The following TMPRSS15 variants were observed in gnomAD, a reference collection of about 807,000 sequenced individuals.
TMPRSS15 encodes enteropeptidase.
Under a neutral mutation model 125.3 loss-of-function variants are expected in TMPRSS15, and 128 were observed. The ratio of observed to expected loss-of-function variants is 1.02; its 90% CI spans 0.89 to 1.18. TMPRSS15 has a LOEUF of 1.18. Ranked by LOEUF, TMPRSS15 falls within the 50% of genes most tolerant of loss-of-function variation. The pLI, the probability that TMPRSS15 is intolerant of heterozygous loss-of-function variation, is 0.00. For synonymous variants in TMPRSS15, 446 were observed against 423.2 expected, an observed-to-expected ratio of 1.05 and a Z score of -0.66; for missense variants, 1,283 against 1,212.7, an observed-to-expected ratio of 1.06 and a Z score of -0.86.
chr21:18,291,825 T>A (rs1360860639), intron 21 of TMPRSS15, among the ~76,000 whole-genome samples: 1 of 152,160 alleles, frequency 6.6e-6, no homozygotes, highest in African/African-American at 2.4e-5. Context: ...TTTGAATTTA[T>A]CAGAATTCTA....
chr21:18,353,179 T>A (rs569956408), intron 9 of TMPRSS15, 127 bp from the exon 10 acceptor site: 1 of 852,538 alleles, frequency 1.2e-6, no homozygotes, highest in African/African-American at 1.7e-5. Flanking sequence ...AAAATCATTA[T>A]TTTTTATTGA....
intron 12 of TMPRSS15, among the ~76,000 whole-genome samples, chr21:18,342,511 T>C (rs546792224): frequency 3.5e-4 from 54 of 152,334 alleles, no homozygotes; most frequent in African/African-American, 1.2e-3. Context: ...CACCACCTCA[T>C]GAGCTGTGAG....
At chr21:18,412,879 A>G (rs2076169555) in intron 1 of TMPRSS15, among the ~76,000 whole-genome samples, 1 of 152,212 alleles carries the variant, frequency 6.6e-6, no homozygotes, top group African/African-American at 2.4e-5. Context: ...AGGTGTAGGG[A>G]ATTAAACGGC....
chr21:18,391,264 A>G (rs1743845148), intron 3 of TMPRSS15, among the ~76,000 whole-genome samples: 1 of 152,254 alleles, frequency 6.6e-6, no homozygotes, highest in African/African-American at 2.4e-5. Context: ...TCCAAAGTCC[A>G]AAGTCTCATC....
At position 18,341,431 on chromosome 21, in the gene TMPRSS15, G is replaced by T; in HGVS notation, c.1546C>A (p.Pro516Thr). ...LYPEPTLVPTPPPELPTDCGG... is the reference protein window; with the variant it reads ...LYPEPTLVPTTPPELPTDCGG... ...TACTTACTAGGAAGTTCTGGTGGAGGAGTTGGCACCAAAGTTGGTTCTGGA... is the reference window on the plus strand; with the variant it reads ...TACTTACTAGGAAGTTCTGGTGGAGTAGTTGGCACCAAAGTTGGTTCTGGA... Residue 516 changes from proline to threonine, a missense_variant, in exon 13 of 25, where the codon CCT becomes ACT. Pro to Thr is a conservative substitution (Grantham distance 38). Coordinates refer to ENST00000284885, the MANE Select transcript of TMPRSS15 (RefSeq NM_002772.3). 1.2e-6 allele frequency: 2 copies of T among 1,614,130 alleles called. No individual in the cohort carries two copies. The highest frequency in any genetic ancestry group is 2.2e-5 in the South Asian group (2 of 91,080).
At chr21:18,375,782 T>A (rs1601409971) in intron 5 of TMPRSS15, among the ~76,000 whole-genome samples, 1 of 152,210 alleles carries the variant, frequency 6.6e-6, no homozygotes, top group African/African-American at 2.4e-5. Flanking sequence ...AGATGATTAT[T>A]TCAGAGTGAT....
chr21:18,314,956 G>GC (rs1420536614), intron 17 of TMPRSS15, among the ~76,000 whole-genome samples, 190 bp downstream of exon 17: 1 of 152,082 alleles, frequency 6.6e-6, no homozygotes, highest in Non-Finnish European at 1.5e-5. Context: ...ATAAACTGAG[G>GC]CCTGCGTATT....
chr21:18,443,708 C>A (rs1040264082), intron 1 of TMPRSS15, among the ~76,000 whole-genome samples: 2 of 152,214 alleles, frequency 1.3e-5, no homozygotes, highest in African/African-American at 4.8e-5. Flanking sequence ...CCCAATAGTC[C>A]CACTTCTGTC....
intron 4 of TMPRSS15, among the ~76,000 whole-genome samples, chr21:18,383,010 A>T (rs887038709): frequency 6.6e-6 from 1 of 152,188 alleles, no homozygotes; most frequent in Non-Finnish European, 1.5e-5. Context: ...GGAAGGGATC[A>T]AACTCATTGA....
intron 21 of TMPRSS15, among the ~76,000 whole-genome samples, chr21:18,284,490 C>T (rs1025130994): frequency 6.6e-6 from 1 of 152,156 alleles, no homozygotes; most frequent in Non-Finnish European, 1.5e-5. Flanking sequence ...AGAAAACTTC[C>T]TAGCTTTTTT....
At chr21:18,327,823 T>A (rs556646460) in intron 15 of TMPRSS15, among the ~76,000 whole-genome samples, 1 of 152,260 alleles carries the variant, frequency 6.6e-6, no homozygotes, top group East Asian at 1.9e-4. Flanking sequence ...AATGTGTGAC[T>A]TATCAAGAGA....
intron 1 of TMPRSS15, among the ~76,000 whole-genome samples, chr21:18,401,391 A>G (rs926415898): frequency 6.6e-6 from 1 of 152,208 alleles, no homozygotes; most frequent in African/African-American, 2.4e-5. Flanking sequence ...GTGGAATAAG[A>G]TGCAGCCATA....
intron 16 of TMPRSS15, among the ~76,000 whole-genome samples, chr21:18,316,607 G>A (rs978969284): frequency 6.6e-6 from 1 of 152,182 alleles, no homozygotes; most frequent in Non-Finnish European, 1.5e-5. Context: ...CTTGGCACAT[G>A]GAGACACAAA....
chr21:18,425,096 A>G (rs1415496656), intron 1 of TMPRSS15, among the ~76,000 whole-genome samples: 1 of 151,780 alleles, frequency 6.6e-6, no homozygotes, highest in Non-Finnish European at 1.5e-5. Context: ...TATGATACAG[A>G]ATAGTATTTG....
At chr21:18,296,460 GAAAGGTTAA>G (rs2074908869) in intron 19 of TMPRSS15, among the ~76,000 whole-genome samples, 1 of 152,212 alleles carries the variant, frequency 6.6e-6, no homozygotes, top group Non-Finnish European at 1.5e-5. Context: ...TTGATGTGAT[GAAAGGTTAA>G]AATATGTCTA....
chr21:18,365,642 T>TC (rs2075724168), intron 6 of TMPRSS15, among the ~76,000 whole-genome samples: 4 of 23,780 alleles, frequency 1.7e-4, no homozygotes, highest in East Asian at 1.1e-3. Flanking sequence ...TTCTCTCTCT[T>TC]TTTCCTCCCT....
chr21:18,369,909 A>G (rs1171315612), intron 6 of TMPRSS15, among the ~76,000 whole-genome samples: 1 of 151,772 alleles, frequency 6.6e-6, no homozygotes, highest in Non-Finnish European at 1.5e-5. Context: ...TGATTGATTT[A>G]AACAATATTA....
intron 1 of TMPRSS15, among the ~76,000 whole-genome samples, chr21:18,440,876 A>T (rs890525500): frequency 6.6e-6 from 1 of 152,208 alleles, no homozygotes; most frequent in African/African-American, 2.4e-5. Flanking sequence ...TAGTTGTTGG[A>T]CTTTTTCTGC....
chr21:18,437,420 G>C (rs1468955718), intron 1 of TMPRSS15, among the ~76,000 whole-genome samples: 1 of 152,072 alleles, frequency 6.6e-6, no homozygotes, highest in African/African-American at 2.4e-5. Flanking sequence ...CATGGGCAAG[G>C]ACTTCATGTC....
Sources: allele counts gnomAD v4.1 joint callset (sites outside exome capture counted in the v4.1 genomes callset), GRCh38; gene constraint gnomAD v4.1.1; transcripts MANE v1.5; gene names NCBI Gene and HGNC (gene_info 2026-07-23, HGNC 2026-07-21).